MAPKBP1: variants seen among roughly 807,000 people sequenced by gnomAD.
MAPKBP1 encodes mitogen-activated protein kinase binding protein 1.
MAPKBP1 carries 71 observed loss-of-function variants against 170.5 expected under a neutral mutation model. The observed-to-expected ratio is 0.42, with a 90% CI of 0.34 to 0.51. The LOEUF (loss-of-function observed/expected upper bound fraction) is 0.51. MAPKBP1 is among the 20% of genes least tolerant of loss of function. The probability of loss-of-function intolerance (pLI) is 0.06; values close to 1 mark genes in which losing one functional copy is unlikely to be tolerated. For missense variants in MAPKBP1, 1,598 were observed against 1,933.0 expected, an observed-to-expected ratio of 0.83 and a Z score of 3.25; for synonymous variants, 719 against 757.9, an observed-to-expected ratio of 0.95 and a Z score of 0.84.
At chr15:41,803,419 A>AT (rs2064634330) in intron 3 of MAPKBP1, among the ~76,000 whole-genome samples, 1 of 144,306 alleles carries the variant, frequency 6.9e-6, no homozygotes, top group African/African-American at 2.6e-5. Flanking sequence ...ATCTCAAAAA[A>AT]AAAAAAAAAA....
rs1347799124 is a variant in MAPKBP1 at position 41,826,847 on chromosome 15, A to T, written c.*1411A>T. The T allele has an allele frequency of 6.6e-6, 1 of 152,200 alleles. No homozygotes were observed. The highest frequency in any genetic ancestry group is 2.4e-5 in the African/African-American group (1 of 41,406). The allele number at this position is 152,200 out of a possible 1,614,324, so 9.4% of individuals were successfully genotyped here. A position where few individuals can be genotyped will look rare whatever the true frequency, so the allele number is the denominator to read the frequency against. On this transcript the variant is annotated 3_prime_UTR_variant, in exon 31 of 31. Coordinates refer to ENST00000457542, the MANE Select transcript of MAPKBP1 (RefSeq NM_014994.3). ...AGGGGACCCTAGGAGGTAGAGTGGG[A>T]CCATGTCGTGAGGCAGTTGAAGAGT...
intron 2 of MAPKBP1, among the ~76,000 whole-genome samples, chr15:41,776,334 G>C (rs1471276883): frequency 6.6e-6 from 1 of 152,216 alleles, no homozygotes; most frequent in Non-Finnish European, 1.5e-5. Flanking sequence ...TAAATCCCAT[G>C]AGGAATGATT....
At position 41,775,383 on chromosome 15, in the gene MAPKBP1, C is replaced by T; in HGVS notation, c.108C>T (p.Ser36=). The part of the protein sequence containing the change: ...SKAGNRREDL[S]SKVTLEKVLG... ...CAGGAAACCGACGAGAGGACCTCAG[C>T]TCCAAGGTGAGTCCTGTTGGGATCC... The change falls in exon 2 of 31, where the codon AGC becomes AGT. Residue 36 remains serine (S), a synonymous_variant. Transcript: ENST00000457542. 6.2e-7 allele frequency: 1 copy of T among 1,612,980 alleles called. No individual in the cohort carries two copies. The highest frequency in any genetic ancestry group is 8.5e-7 in the Non-Finnish European group (1 of 1,178,890).
intron 3 of MAPKBP1, among the ~76,000 whole-genome samples, chr15:41,803,668 T>C (rs1332177158): frequency 1.3e-5 from 2 of 151,930 alleles, no homozygotes; most frequent in Admixed American, 6.6e-5. Context: ...TGAACTATGA[T>C]CGTGCCATTG....
At chr15:41,819,437 T>C (rs1460722691) in intron 21 of MAPKBP1, 58 bp downstream of exon 21, 39 of 1,604,974 alleles carry the variant, frequency 2.4e-5, no homozygotes, top group Admixed American at 8.3e-5. Flanking sequence ...TGGCTAGATA[T>C]GGTTTTTCTG....
rs374518727 is a variant in MAPKBP1, at chr15:41,818,499, G to A, written c.2093-20G>A. 208 of 1,606,590 alleles carry A rather than the reference G, an allele frequency of 1.3e-4. 1 individual carries two copies. The highest frequency in any genetic ancestry group is 2.5e-4 in the Admixed American group (15 of 59,370). ...GGGAATTTAAGGTGGCTTATAGACC[G>A]TATTCTTTGTTCTTCACAGAGATTG... On this transcript the variant is annotated intron_variant, in intron 18 of 30. Transcript: ENST00000457542. The surrounding 1 kb of genome is among the most constrained non-coding windows in gnomAD (Gnocchi z 5.2).
chr15:41,820,774 T>G (rs1407850162), intron 22 of MAPKBP1, 58 bp from the exon 23 acceptor site: 2 of 1,264,186 alleles, frequency 1.6e-6, no homozygotes, highest in African/African-American at 2.9e-5. Flanking sequence ...ATGTGGATAT[T>G]TGTTGATCTT....
At chr15:41,819,556 G>GGC in intron 21 of MAPKBP1, 39 bp from the exon 22 acceptor site, 1 of 1,347,674 alleles carries the variant, frequency 7.4e-7, no homozygotes. Context: ...GCGGGGGGGG[G>GGC]GCAGGAGACA....
In MAPKBP1 at chr15:41,813,690, C is replaced by A; in HGVS notation, c.889C>A (p.Arg297Ser). 1 of 1,614,072 alleles carries A rather than the reference C, an allele frequency of 6.2e-7. No homozygotes were observed. Among genetic ancestry groups the A allele is most frequent in the Non-Finnish European group, 8.5e-7 (1 of 1,179,978 alleles). The change falls in exon 9 of 31, where the codon CGC (arginine) becomes AGC (serine). Residue 297 changes from arginine (R) to serine (S), a missense_variant. Physicochemically the swap from Arg to Ser is moderately radical, Grantham distance 110 (BLOSUM62 -1). This residue lies in a region of MAPKBP1 where 430 missense variants were observed against 617.2 expected (regional missense o/e 0.70). Coordinates refer to ENST00000457542, the MANE Select transcript of MAPKBP1 (RefSeq NM_014994.3). ...IFCGCADGTVRLFNPSNLHFL... is the reference protein window; with the variant it reads ...IFCGCADGTVSLFNPSNLHFL... ...CTGTGGCTGTGCTGATGGCACCGTG[C>A]GCCTTTTCAACCCCTCTAACCTGCA...
At chr15:41,788,538 A>G (rs1596067874) in intron 2 of MAPKBP1, among the ~76,000 whole-genome samples, 1 of 152,216 alleles carries the variant, frequency 6.6e-6, no homozygotes, top group African/African-American at 2.4e-5. Context: ...GATCACAGAA[A>G]GAATCAGAGG....
intron 2 of MAPKBP1, among the ~76,000 whole-genome samples, chr15:41,789,341 A>G (rs1439440594): frequency 6.6e-6 from 1 of 151,914 alleles, no homozygotes; most frequent in East Asian, 1.9e-4. Flanking sequence ...GCATGCTTAC[A>G]TTGAGATAAC....
At chr15:41,811,661 G>A (rs2064809193) in intron 5 of MAPKBP1, 2 of 638,662 alleles carry the variant, frequency 3.1e-6, no homozygotes, top group Middle Eastern at 2.5e-4. Flanking sequence ...AGACCTGAGT[G>A]GTAGTGGCTC....
At chr15:41,807,210 G>C (rs1313768059) in intron 3 of MAPKBP1, among the ~76,000 whole-genome samples, 1 of 152,048 alleles carries the variant, frequency 6.6e-6, no homozygotes, top group Non-Finnish European at 1.5e-5. Context: ...TTCTATCTAC[G>C]TAGTGTTCCT....
rs750463567 is a variant in MAPKBP1 at position 41,814,667 on chromosome 15, T to A, written c.1098T>A (p.Asp366Glu). The change falls in exon 10 of 31, where the codon GAT (aspartate) becomes GAA (glutamate). Residue 366 changes from aspartate (D) to glutamate (E), a missense_variant. By Grantham distance (45) the Asp-to-Glu change is conservative. Transcript: ENST00000457542. The part of the protein sequence containing the change: ...VYNDHSIYVW[D>E]VRDPKKVGKV... ...ACGATCATAGCATTTATGTTTGGGA[T>A]GTGAGGGACCCCAAGAAAGTGGGCA... 3.0e-5 allele frequency: 49 copies of A among 1,614,096 alleles called. No homozygotes were observed. Among genetic ancestry groups the A allele is most frequent in the African/African-American group, 4.0e-5 (3 of 74,928 alleles).
In MAPKBP1 at chr15:41,820,854, T is replaced by C; in HGVS notation, c.2504T>C (p.Leu835Pro). Residue 835 changes from leucine (L) to proline (P), a missense_variant, in exon 23 of 31, where the codon CTG (leucine) becomes CCG (proline). Transcript: ENST00000457542. The stretch of plus-strand genomic sequence containing the variant: ...CAGGCACAGGAGTCCGTGGGGTTCC[T>C]GGACCCAGCTCCTGCAGCCAACCCA... ...MSRAQESVGF[L>P]DPAPAANPGP... The C allele has an allele frequency of 6.2e-7, 1 of 1,613,936 alleles. No individual in the cohort carries two copies. Among genetic ancestry groups the C allele is most frequent in the Non-Finnish European group, 8.5e-7 (1 of 1,179,918 alleles).
intron 5 of MAPKBP1, 149 bp downstream of exon 5, chr15:41,811,384 A>C: frequency 1.2e-6 from 1 of 811,216 alleles, no homozygotes; most frequent in Non-Finnish European, 2.1e-6. Context: ...AGTGGTTCTC[A>C]AGCTTTAGTG....
intron 29 of MAPKBP1, 29 bp downstream of exon 29, chr15:41,824,090 C>T: frequency 6.4e-7 from 1 of 1,565,074 alleles, no homozygotes; most frequent in Non-Finnish European, 8.6e-7. Context: ...CTCTCATCTC[C>T]TGCCCCATCC....
rs779939668 is a variant in MAPKBP1 at position 41,812,598 on chromosome 15, C to G, written c.581C>G (p.Thr194Ser). 22 of 1,613,932 alleles carry G rather than the reference C, an allele frequency of 1.4e-5. No homozygotes were observed. Among genetic ancestry groups the G allele is most frequent in the Non-Finnish European group, 1.9e-5 (22 of 1,179,936 alleles). The change falls in exon 7 of 31, where the codon ACT becomes AGT. Residue 194 changes from threonine (T) to serine (S), a missense_variant. By Grantham distance (58) the Thr-to-Ser change is moderately conservative (BLOSUM62 1). Transcript: ENST00000457542. ...SFSEDCSYFV[T>S]AGNRHIKFWY... ...TCTGAGGATTGCAGCTACTTTGTCA[C>G]TGCAGGCAACCGACACATCAAATTC... is the stretch of plus-strand genomic sequence containing the variant.
At chr15:41,799,958 T>A in intron 3 of MAPKBP1, 44 bp downstream of exon 3, 1 of 1,525,554 alleles carries the variant, frequency 6.6e-7, no homozygotes, top group Non-Finnish European at 9.1e-7. Context: ...TGGGAATTTA[T>A]AGCCACGCTA....
Sources: allele counts gnomAD v4.1 joint callset (sites outside exome capture counted in the v4.1 genomes callset), GRCh38; gene constraint gnomAD v4.1.1; regional missense constraint gnomAD v4.1.1; non-coding constraint Gnocchi (gnomAD v3.1); transcripts MANE v1.5; gene names NCBI Gene and HGNC (gene_info 2026-07-23, HGNC 2026-07-21).